Variants in ASB18 observed in about 807,000 individuals in gnomAD.
ASB18 encodes the protein ankyrin repeat and SOCS box protein 18.
In ASB18, 33 loss-of-function variants were observed where a neutral mutation model predicts 33.4. The ratio of observed to expected loss-of-function variants is 0.99; its 90% CI spans 0.75 to 1.32. The LOEUF (loss-of-function observed/expected upper bound fraction) is 1.32, where lower values mean the gene tolerates loss of function less well. Ranked by LOEUF, ASB18 falls within the 40% of genes most tolerant of loss-of-function variation. The pLI is 0.00. For missense variants in ASB18, 694 were observed against 655.5 expected (o/e 1.06, Z -0.64); for synonymous variants, 295 against 307.6 (o/e 0.96, Z 0.43).
At position 236,237,648 on chromosome 2, in the gene ASB18, G is replaced by A. The variant is rs1260759187; in HGVS notation, c.596+41C>T. ...TGGGGGGAGGCGGGCGTCTGGTCTC[G>A]GGGCGGGGCGGACGCCGCGGGCCTG... On this transcript the variant is annotated intron_variant, in intron 3 of 5. Coordinates refer to ENST00000409749, the MANE Select transcript of ASB18 (RefSeq NM_212556.4). This position sits in a 1 kb window ranked among gnomAD's most constrained non-coding sequence, Gnocchi z 6.2. 4 of 1,356,654 alleles carry A rather than the reference G, an allele frequency of 2.9e-6. No individual in the cohort carries two copies. Among genetic ancestry groups the A allele is most frequent in the East Asian group, 6.4e-5 (2 of 31,452 alleles). 84.0% of individuals were successfully genotyped at this position (1,356,654 alleles called of 1,614,324 possible). A position where few individuals can be genotyped will look rare whatever the true frequency, so the allele number is the denominator to read the frequency against.
At position 236,214,831 on chromosome 2, in the gene ASB18, A is replaced by G; in HGVS notation, c.632T>C (p.Val211Ala). ...AQALLEHGAS[V>A]QRVGGTGRDT... is the part of the protein sequence containing the mutation. Reference sequence around the variant, plus strand: ...CCGGCCCGTGCCGCCCACGCGCTGCACCGAGGCCCCGTGCTCCAGCAGCGC... The same window carrying G: ...CCGGCCCGTGCCGCCCACGCGCTGCGCCGAGGCCCCGTGCTCCAGCAGCGC... The change falls in exon 4 of 6, where the codon GTG becomes GCG. Residue 211 changes from valine to alanine, a missense_variant. Val to Ala is a moderately conservative substitution (Grantham distance 64). Coordinates refer to ENST00000409749, the MANE Select transcript of ASB18 (RefSeq NM_212556.4). The surrounding 1 kb of genome is among the most constrained non-coding windows in gnomAD (Gnocchi z 6.5). The G allele has an allele frequency of 2.5e-6, 3 of 1,213,486 alleles. No homozygotes were observed. The highest frequency in any genetic ancestry group is 3.1e-6 in the Non-Finnish European group (3 of 975,914). 75.2% of individuals were successfully genotyped at this position (1,213,486 alleles called of 1,614,324 possible). A position where few individuals can be genotyped will look rare whatever the true frequency, so the allele number is the denominator to read the frequency against.
At chr2:236,198,519 C>T (rs976249260) in intron 4 of ASB18, among the ~76,000 whole-genome samples, 1 of 152,092 alleles carries the variant, frequency 6.6e-6, no homozygotes, top group African/African-American at 2.4e-5. Context: ...AGGCAGGTGC[C>T]ACCACACCCG....
rs2219063 is a variant in ASB18, at chr2:236,239,957, C to T, written c.328+1323G>A. On this transcript the variant is annotated intron_variant, in intron 2 of 5. Transcript: ENST00000409749. The surrounding 1 kb of genome is among the most constrained non-coding windows in gnomAD (Gnocchi z 5.6). ...GGCCACTACTCACTGTCCGGGCTGCCGTTTCCTCAGTACCAGCCCACATCC... is the reference window on the plus strand; with the variant it reads ...GGCCACTACTCACTGTCCGGGCTGCTGTTTCCTCAGTACCAGCCCACATCC... Among the ~76,000 whole-genome samples the T allele has an allele frequency of 0.76, 114,922 of 152,144 alleles. 43,911 individuals are homozygous for T. The highest frequency in any genetic ancestry group is 0.83 in the Middle Eastern group (244 of 294).
rs574018006 is a variant in ASB18 at position 236,232,202 on chromosome 2, T to C, written c.596+5487A>G. On this transcript the variant is annotated intron_variant, in intron 3 of 5. Coordinates refer to ENST00000409749, the MANE Select transcript of ASB18 (RefSeq NM_212556.4). Reference sequence around the variant, plus strand: ...GAATTAAATTAGAAATCATAAGATATCTGGAAAATCCCCACATATTTGGAA... The same window carrying C: ...GAATTAAATTAGAAATCATAAGATACCTGGAAAATCCCCACATATTTGGAA... Among the ~76,000 whole-genome samples, 3 of 151,708 alleles carry C rather than the reference T, an allele frequency of 2.0e-5. No individual in the cohort carries two copies. In the South Asian group the frequency reaches 6.2e-4, roughly 32 times the overall value.
Position 236,237,703 on chromosome 2 carries a change from C to A in ASB18, c.582G>T (p.Thr194=), listed in dbSNP as rs777543012. ...EGLAPLHLCR[T]AASLGCAQAL... is the part of the protein sequence containing the mutation. ...GAGGTCCTTACCCGAGCGAGGCGGC[C>A]GTGCGGCAGAGGTGCAGAGGCGCCA... Residue 194 remains threonine (T), a synonymous_variant, in exon 3 of 6, where the codon ACG becomes ACT. Coordinates refer to ENST00000409749, the MANE Select transcript of ASB18 (RefSeq NM_212556.4). The surrounding 1 kb of genome is among the most constrained non-coding windows in gnomAD (Gnocchi z 6.2). The A allele has an allele frequency of 8.3e-6, 12 of 1,453,650 alleles. No individual in the cohort carries two copies. Among genetic ancestry groups the A allele is most frequent in the South Asian group, 1.3e-5 (1 of 75,774 alleles). The allele number at this position is 1,453,650 out of a possible 1,614,324, so 90.0% of individuals were successfully genotyped here.
At position 236,226,248 on chromosome 2, in the gene ASB18, A is replaced by G. The variant is rs1246161883; in HGVS notation, c.597-11382T>C. ...CCTGCCAGCATATTCCATTATCATCATTGATATTGAAGGGATTCTAAGTCA... is the reference window on the plus strand; with the variant it reads ...CCTGCCAGCATATTCCATTATCATCGTTGATATTGAAGGGATTCTAAGTCA... On this transcript the variant is annotated intron_variant, in intron 3 of 5. Coordinates refer to ENST00000409749, the MANE Select transcript of ASB18 (RefSeq NM_212556.4). The surrounding 1 kb of genome is among the most constrained non-coding windows in gnomAD (Gnocchi z 4.8). Among the ~76,000 whole-genome samples the G allele has an allele frequency of 6.6e-6, 1 of 152,200 alleles. No homozygotes were observed. The highest frequency in any genetic ancestry group is 1.9e-4 in the East Asian group (1 of 5,200).
At position 236,217,173 on chromosome 2, in the gene ASB18, T is replaced by C. The variant is rs1206903623; in HGVS notation, c.597-2307A>G. On this transcript the variant is annotated intron_variant, in intron 3 of 5. Coordinates refer to ENST00000409749, the MANE Select transcript of ASB18 (RefSeq NM_212556.4). This position sits in a 1 kb window ranked among gnomAD's most constrained non-coding sequence, Gnocchi z 5.2. Reference sequence around the variant, plus strand: ...CGGTAATCCCAGCACTTTGGGAGTCTGAGGTGAGTGGATCACCTGAGGTCA... The same window carrying C: ...CGGTAATCCCAGCACTTTGGGAGTCCGAGGTGAGTGGATCACCTGAGGTCA... 6.6e-6 allele frequency among the ~76,000 whole-genome samples: 1 copy of C among 152,130 alleles called. No individual in the cohort carries two copies. The highest frequency in any genetic ancestry group is 1.5e-5 in the Non-Finnish European group (1 of 68,024).
Position 236,193,746 on chromosome 2 carries a change from A to G in ASB18, c.*1126T>C, listed in dbSNP as rs546897632. 3.9e-5 allele frequency among the ~76,000 whole-genome samples: 6 copies of G among 152,338 alleles called. No individual in the cohort carries two copies. Among genetic ancestry groups the G allele is most frequent in the African/African-American group, 1.4e-4 (6 of 41,584 alleles). On this transcript the variant is annotated 3_prime_UTR_variant, in exon 6 of 6. Coordinates refer to ENST00000409749, the MANE Select transcript of ASB18 (RefSeq NM_212556.4). This position sits in a 1 kb window ranked among gnomAD's most constrained non-coding sequence, Gnocchi z 5.0. ...GGGAGGCGGAGGTTGCGGTGAGCCAAGATTGCGCCAGTCTCAAAACAAACA... is the reference window on the plus strand; with the variant it reads ...GGGAGGCGGAGGTTGCGGTGAGCCAGGATTGCGCCAGTCTCAAAACAAACA...
At position 236,263,739 on chromosome 2, in the gene ASB18, G is replaced by C. The variant is rs2060731354; in HGVS notation, c.205+402C>G. 6.6e-6 allele frequency among the ~76,000 whole-genome samples: 1 copy of C among 152,148 alleles called. No individual in the cohort carries two copies. ...GCATTTGGTTTAAGTATTTCAGTAG[G>C]GGATTGAAATTGGGAAGACTATGTA... On this transcript the variant is annotated intron_variant, in intron 1 of 5. Transcript: ENST00000409749. This position sits in a 1 kb window ranked among gnomAD's most constrained non-coding sequence, Gnocchi z 4.0.
In ASB18 at chr2:236,221,381, C is replaced by T. The variant is rs535176417; in HGVS notation, c.597-6515G>A. Among the ~76,000 whole-genome samples the T allele has an allele frequency of 6.6e-6, 1 of 152,268 alleles. No individual in the cohort carries two copies. Among genetic ancestry groups the T allele is most frequent in the South Asian group, 2.1e-4 (1 of 4,820 alleles). Reference sequence around the variant, plus strand: ...TCATATGGTTTGGTTGTGTCCCCACCCAAATCTCACCTTGAGTTTTACTCC... The same window carrying T: ...TCATATGGTTTGGTTGTGTCCCCACTCAAATCTCACCTTGAGTTTTACTCC... On this transcript the variant is annotated intron_variant, in intron 3 of 5. Coordinates refer to ENST00000409749, the MANE Select transcript of ASB18 (RefSeq NM_212556.4). This position sits in a 1 kb window ranked among gnomAD's most constrained non-coding sequence, Gnocchi z 5.6.
chr2:236,254,949 C>A (rs2060685266), intron 1 of ASB18, among the ~76,000 whole-genome samples: 1 of 152,018 alleles, frequency 6.6e-6, no homozygotes, highest in Non-Finnish European at 1.5e-5. Flanking sequence ...CTTGTGAGAT[C>A]TGGTTGTTTA....
chr2:236,230,545 T>C (rs1356147015), intron 3 of ASB18, among the ~76,000 whole-genome samples: 1 of 151,884 alleles, frequency 6.6e-6, no homozygotes, highest in Non-Finnish European at 1.5e-5. Flanking sequence ...GACTTTTGTA[T>C]AGAAGTAAAA....
At chr2:236,230,068 G>T (rs746719301) in intron 3 of ASB18, among the ~76,000 whole-genome samples, 25 of 152,130 alleles carry the variant, frequency 1.6e-4, no homozygotes, top group Non-Finnish European at 2.9e-4. Context: ...GATAGAATTA[G>T]TAGGCAGGGC....
rs914202936 is a variant in ASB18, at chr2:236,259,229, A to G, written c.205+4912T>C. 1.3e-5 allele frequency among the ~76,000 whole-genome samples: 2 copies of G among 152,184 alleles called. No individual in the cohort carries two copies. Among genetic ancestry groups the G allele is most frequent in the Admixed American group, 6.5e-5 (1 of 15,286 alleles). ...ATTTCTTTGCAGAAACCCAAATCCC[A>G]ATAGTGTCTGTGGAAATGCAGTCTG... On this transcript the variant is annotated intron_variant, in intron 1 of 5. Transcript: ENST00000409749. This position sits in a 1 kb window ranked among gnomAD's most constrained non-coding sequence, Gnocchi z 4.4.
chr2:236,194,403 A>C lies in ASB18; in HGVS notation c.*469T>G, dbSNP rs1468293753. On this transcript the variant is annotated 3_prime_UTR_variant, in exon 6 of 6. Coordinates refer to ENST00000409749, the MANE Select transcript of ASB18 (RefSeq NM_212556.4). This position sits in a 1 kb window ranked among gnomAD's most constrained non-coding sequence, Gnocchi z 4.5. ...CTTTATTTCAATCTTTACTATTAGAATTGTATTGGTCTTTATTTAGAAGTG... is the reference window on the plus strand; with the variant it reads ...CTTTATTTCAATCTTTACTATTAGACTTGTATTGGTCTTTATTTAGAAGTG... Among the ~76,000 whole-genome samples the C allele has an allele frequency of 6.6e-6, 1 of 152,178 alleles. No homozygotes were observed. Among genetic ancestry groups the C allele is most frequent in the Non-Finnish European group, 1.5e-5 (1 of 68,028 alleles).
rs989861028 is a variant in ASB18, at chr2:236,219,063, A to G, written c.597-4197T>C. On this transcript the variant is annotated intron_variant, in intron 3 of 5. Transcript: ENST00000409749. This position sits in a 1 kb window ranked among gnomAD's most constrained non-coding sequence, Gnocchi z 6.4. ...TTTTTTTTGTTTTATTTTTGTATTG[A>G]CAGGGTCTTGCTATGTTTCCCAGGC... Among the ~76,000 whole-genome samples, 2 of 151,526 alleles carry G rather than the reference A, an allele frequency of 1.3e-5. No homozygotes were observed. The highest frequency in any genetic ancestry group is 6.6e-5 in the Admixed American group (1 of 15,216).
At chr2:236,201,713 G>A (rs1168583685) in intron 4 of ASB18, among the ~76,000 whole-genome samples, 2 of 149,606 alleles carry the variant, frequency 1.3e-5, no homozygotes, top group African/African-American at 2.5e-5. Flanking sequence ...GGCTCACTTG[G>A]TCTGTGATAG....
rs2060443045 is a variant in ASB18, at chr2:236,208,174, G to C, written c.1101+6188C>G. The stretch of plus-strand genomic sequence containing the variant: ...AAGAGAGAGACAGAGCATGAACACG[G>C]AGACACGGAGAAACCAAGCCACAGA... On this transcript the variant is annotated intron_variant, in intron 4 of 5. Transcript: ENST00000409749. This position sits in a 1 kb window ranked among gnomAD's most constrained non-coding sequence, Gnocchi z 7.7. Among the ~76,000 whole-genome samples, 1 of 152,102 alleles carries C rather than the reference G, an allele frequency of 6.6e-6. No homozygotes were observed. The highest frequency in any genetic ancestry group is 2.4e-5 in the African/African-American group (1 of 41,430).
At chr2:236,206,281 T>C (rs2060432467) in intron 4 of ASB18, among the ~76,000 whole-genome samples, 1 of 152,088 alleles carries the variant, frequency 6.6e-6, no homozygotes, top group African/African-American at 2.4e-5. Context: ...ATTCAGATGA[T>C]TAGTTTAATC....
Sources: allele counts gnomAD v4.1 joint callset (sites outside exome capture counted in the v4.1 genomes callset), GRCh38; gene constraint gnomAD v4.1.1; non-coding constraint Gnocchi (gnomAD v3.1); transcripts MANE v1.5; gene names NCBI Gene and HGNC (gene_info 2026-07-23, HGNC 2026-07-21).